Variants in PRC1 observed in about 807,000 individuals in gnomAD.
The protein encoded by PRC1 is protein regulator of cytokinesis 1, also known as anaphase spindle elongation 1 homolog.
Under a neutral mutation model 91.2 loss-of-function variants are expected in PRC1, and 54 were observed. That is an observed-to-expected ratio of 0.59 (90% CI 0.48 to 0.74). PRC1 has a LOEUF of 0.74. Among genes scored for constraint, PRC1 ranks in the 30% least tolerant of loss-of-function variants. PRC1 has a pLI of 0.00. For synonymous variants in PRC1, 275 were observed against 263.6 expected, an observed-to-expected ratio of 1.04 and a Z score of -0.42; for missense variants, 727 against 746.2, an observed-to-expected ratio of 0.97 and a Z score of 0.30.
intron 11 of PRC1, 22 bp from the exon 12 acceptor site, chr15:90,970,536 T>A: frequency 6.6e-7 from 1 of 1,521,906 alleles, no homozygotes; most frequent in Non-Finnish European, 9.1e-7. Flanking sequence ...AGCACGTGGG[T>A]AACTGATGTG....
At position 90,984,915 on chromosome 15, in the gene PRC1, C is replaced by G. The variant is rs1021722238; in HGVS notation, c.12-90G>C. 4.0e-6 allele frequency: 6 copies of G among 1,503,670 alleles called. No individual in the cohort carries two copies. Among genetic ancestry groups the G allele is most frequent in the Non-Finnish European group, 4.5e-6 (5 of 1,111,840 alleles). 93.1% of individuals were successfully genotyped at this position (1,503,670 alleles called of 1,614,324 possible). A position where few individuals can be genotyped will look rare whatever the true frequency, so the allele number is the denominator to read the frequency against. ...TTTCGAGAACTAAAAAGACTAGCTT[C>G]TCAGTGGCCTCGAGAAAAAAACAAA... On this transcript the variant is annotated intron_variant, in intron 1 of 14. Coordinates refer to ENST00000394249, the MANE Select transcript of PRC1 (RefSeq NM_003981.4). This position sits in a 1 kb window ranked among gnomAD's most constrained non-coding sequence, Gnocchi z 5.1.
At chr15:90,971,045 G>A (rs1215995600) in intron 11 of PRC1, among the ~76,000 whole-genome samples, 1 of 152,192 alleles carries the variant, frequency 6.6e-6, no homozygotes, top group Non-Finnish European at 1.5e-5. Flanking sequence ...AAAAGAATAT[G>A]TACTGCGGGA....
intron 5 of PRC1, 21 bp from the exon 6 acceptor site, chr15:90,981,054 G>A: frequency 1.2e-6 from 2 of 1,613,366 alleles, no homozygotes; most frequent in Non-Finnish European, 1.7e-6. Flanking sequence ...GAAAGCCAGT[G>A]TCACTCACGG....
chr15:90,966,523 A>C lies in PRC1; in HGVS notation c.*608T>G. ...ACATGCATACCCCCAACAAAGGGCA[A>C]TGCACTGTGTAACAGAACTGAACAC... On this transcript the variant is annotated 3_prime_UTR_variant, in exon 15 of 15. Transcript: ENST00000394249. The C allele has an allele frequency of 6.6e-6, 3 of 455,970 alleles. No homozygotes were observed. The highest frequency in any genetic ancestry group is 4.7e-5 in the South Asian group (3 of 64,496). The allele number at this position is 455,970 out of a possible 1,614,324, so 28.2% of individuals were successfully genotyped here. A position where few individuals can be genotyped will look rare whatever the true frequency, so the allele number is the denominator to read the frequency against.
Position 90,979,268 on chromosome 15 carries a change from G to T in PRC1, c.997C>A (p.Leu333Ile), listed in dbSNP as rs146878209. 2.1e-5 allele frequency: 34 copies of T among 1,614,032 alleles called. No homozygotes were observed. In the African/African-American group the frequency reaches 3.6e-4, roughly 17 times the overall value. ...AEDYTESLLQ[L>I]HDAEIVRLKN... The stretch of plus-strand genomic sequence containing the variant: ...AACCGCACAATCTCAGCATCGTGGA[G>T]CTGGAGCAGACTTTCTGTGTAGTCC... The change falls in exon 8 of 15, where the codon CTC becomes ATC. Residue 333 changes from leucine to isoleucine, a missense_variant. Leu to Ile is a conservative substitution (Grantham distance 5, BLOSUM62 2). Coordinates refer to ENST00000394249, the MANE Select transcript of PRC1 (RefSeq NM_003981.4).
At position 90,970,439 on chromosome 15, in the gene PRC1, A is replaced by G; in HGVS notation, c.1537T>C (p.Ser513Pro). Residue 513 changes from serine (S) to proline (P), a missense_variant, in exon 12 of 15, where the codon TCC becomes CCC. Coordinates refer to ENST00000394249, the MANE Select transcript of PRC1 (RefSeq NM_003981.4). Reference protein sequence around the residue: ...RPIFGGTVYHSPVSRLPPSGS... With the variant: ...RPIFGGTVYHPPVSRLPPSGS... ...GAAGGAGGAAGTCGAGACACGGGGG[A>G]GTGGTAGACTGTCCCTCCAAAGATA... 1 of 1,612,826 alleles carries G rather than the reference A, an allele frequency of 6.2e-7. No individual in the cohort carries two copies. Among genetic ancestry groups the G allele is most frequent in the Non-Finnish European group, 8.5e-7 (1 of 1,178,942 alleles).
At position 90,967,289 on chromosome 15, in the gene PRC1, G is replaced by A. The variant is rs2037586172; in HGVS notation, c.1792-87C>T. Reference sequence around the variant, plus strand: ...TAAGTTTGGTTAAGTGTCAGCAAAAGGTCCCTTGAAGGTAGTTTCTCTGAG... The same window carrying A: ...TAAGTTTGGTTAAGTGTCAGCAAAAAGTCCCTTGAAGGTAGTTTCTCTGAG... On this transcript the variant is annotated intron_variant, in intron 14 of 14. Transcript: ENST00000394249. 4.4e-6 allele frequency: 5 copies of A among 1,149,234 alleles called. 1 individual carries two copies. In the South Asian group the frequency reaches 5.0e-5, roughly 12 times the overall value. The allele number at this position is 1,149,234 out of a possible 1,614,324, so 71.2% of individuals were successfully genotyped here. A position where few individuals can be genotyped will look rare whatever the true frequency, so the allele number is the denominator to read the frequency against.
chr15:90,981,568 C>T lies in PRC1; in HGVS notation c.603G>A (p.Val201=), dbSNP rs560052395. The stretch of plus-strand genomic sequence containing the variant: ...AACAAAAGGCATCTTCGTCTTCACA[C>T]ACCACATCTCTTTCAAAGCTTGTGT... ...TPDTSFERDV[V]CEDEDAFCLS... The change falls in exon 5 of 15, where the codon GTG becomes GTA. Residue 201 remains valine (V), a synonymous_variant. Transcript: ENST00000394249. 1.2e-6 allele frequency: 2 copies of T among 1,614,116 alleles called. No individual in the cohort carries two copies. The highest frequency in any genetic ancestry group is 2.7e-5 in the African/African-American group (2 of 75,066).
At chr15:90,992,196 C>A (rs531250031) in intron 1 of PRC1, among the ~76,000 whole-genome samples, 2 of 152,120 alleles carry the variant, frequency 1.3e-5, no homozygotes, top group African/African-American at 2.4e-5. Flanking sequence ...CCACAACCCC[C>A]CTTCCTACAC....
chr15:90,989,552 T>C (rs2039833890), intron 1 of PRC1, among the ~76,000 whole-genome samples: 1 of 151,556 alleles, frequency 6.6e-6, no homozygotes, highest in African/African-American at 2.4e-5. Context: ...GGCCCCTCAG[T>C]TTAACAGAGT....
In PRC1 at chr15:90,969,642, G is replaced by A. The variant is rs1304353457; in HGVS notation, c.1573-19C>T. The A allele has an allele frequency of 1.3e-6, 2 of 1,574,828 alleles. No individual in the cohort carries two copies. Among genetic ancestry groups the A allele is most frequent in the Admixed American group, 3.6e-5 (2 of 55,152 alleles). On this transcript the variant is annotated intron_variant, in intron 12 of 14. Transcript: ENST00000394249. Reference sequence around the variant, plus strand: ...CGACTGGCTGCAGAGAAAGGAAAGAGATCCATGTATCATCCTTCTAATGAA... The same window carrying A: ...CGACTGGCTGCAGAGAAAGGAAAGAAATCCATGTATCATCCTTCTAATGAA...
intron 12 of PRC1, among the ~76,000 whole-genome samples, chr15:90,969,968 T>C (rs1223939691): frequency 6.6e-6 from 1 of 152,078 alleles, no homozygotes; most frequent in East Asian, 1.9e-4. Context: ...AACACCTATC[T>C]TGAGCATAGT....
chr15:90,980,107 T>G (rs1328844165), intron 7 of PRC1, 135 bp downstream of exon 7: 2 of 1,088,580 alleles, frequency 1.8e-6, no homozygotes, highest in Non-Finnish European at 2.5e-6. Flanking sequence ...CACTTTTGGC[T>G]GGGTGTGGTG....
At chr15:90,979,410 C>G in intron 7 of PRC1, 116 bp from the exon 8 acceptor site, 2 of 1,198,812 alleles carry the variant, frequency 1.7e-6, no homozygotes, top group Non-Finnish European at 1.2e-6. Context: ...TAAACTGATA[C>G]AGGAAGAGGC....
At chr15:90,970,910 G>A (rs1472776105) in intron 11 of PRC1, among the ~76,000 whole-genome samples, 1 of 152,236 alleles carries the variant, frequency 6.6e-6, no homozygotes, top group Non-Finnish European at 1.5e-5. Flanking sequence ...CAGCAGGTAA[G>A]TGGACAAGCA....
At chr15:90,992,718 T>A (rs1230672748) in intron 1 of PRC1, among the ~76,000 whole-genome samples, 1 of 149,670 alleles carries the variant, frequency 6.7e-6, no homozygotes, top group African/African-American at 2.5e-5. Flanking sequence ...GTTTTTTTTT[T>A]AGATTCACTG....
chr15:90,980,512 C>CTTTTTTTTT (rs35250469), intron 6 of PRC1, 123 bp from the exon 7 acceptor site: 4 of 492,828 alleles, frequency 8.1e-6, no homozygotes, highest in African/African-American at 5.5e-5. Context: ...TAAATCAACA[C>CTTTTTTTTT]TTTTTTTTTT....
Position 90,966,502 on chromosome 15 carries a change from G to T in PRC1, c.*629C>A. On this transcript the variant is annotated 3_prime_UTR_variant, in exon 15 of 15. Transcript: ENST00000394249. ...CCGACAAGCATGTGTGTTCATACAT[G>T]CATACCCCCAACAAAGGGCAATGCA... The T allele has an allele frequency of 2.2e-6, 1 of 450,882 alleles. No individual in the cohort carries two copies. The highest frequency in any genetic ancestry group is 1.6e-5 in the South Asian group (1 of 63,998). 27.9% of individuals were successfully genotyped at this position (450,882 alleles called of 1,614,324 possible).
intron 1 of PRC1, among the ~76,000 whole-genome samples, chr15:90,990,261 G>A (rs1002559959): frequency 4.6e-5 from 7 of 151,670 alleles, no homozygotes; most frequent in African/African-American, 7.3e-5. Context: ...GCTTGAATCC[G>A]GGAGGTGGAG....
Sources: gnomAD v4.1 joint callset for allele counts (sites outside exome capture counted in the v4.1 genomes callset) on GRCh38, gnomAD v4.1.1 for gene constraint, Gnocchi (gnomAD v3.1) non-coding constraint, MANE v1.5 for transcripts, NCBI Gene and HGNC (gene_info 2026-07-23, HGNC 2026-07-21) for gene names.